The following DGKB variants were observed in gnomAD, a reference collection of about 807,000 sequenced individuals.
DGKB encodes the protein 90 kDa diacylglycerol kinase.
A neutral mutation model predicts 114.3 loss-of-function variants in DGKB; 67 were observed. The observed-to-expected ratio is 0.59, with a 90% CI of 0.48 to 0.72. The LOEUF (loss-of-function observed/expected upper bound fraction) is 0.72, where lower values mean the gene tolerates loss of function less well. Ranked by LOEUF, DGKB falls within the 30% of genes least tolerant of loss-of-function variation. The pLI is 0.00. For synonymous variants in DGKB, 398 were observed against 323.1 expected (o/e 1.23, Z -2.49); for missense variants, 907 against 975.2 (o/e 0.93, Z 0.93).
At chr7:14,689,214 T>TTTTTTTTTA (rs1408903887) in intron 9 of DGKB, among the ~76,000 whole-genome samples, 40 of 137,292 alleles carry the variant, frequency 2.9e-4, no homozygotes, top group East Asian at 4.6e-4. Context: ...TTTTTTTTTT[T>TTTTTTTTTA]TTTTTTTTTT....
intron 15 of DGKB, among the ~76,000 whole-genome samples, chr7:14,617,579 T>A (rs143919489): frequency 5.4e-4 from 82 of 151,742 alleles, no homozygotes; most frequent in Admixed American, 4.0e-4. Flanking sequence ...TACCATTCAA[T>A]CATGTCACTC....
At chr7:14,793,309 G>A (rs1170763680) in intron 2 of DGKB, among the ~76,000 whole-genome samples, 4 of 152,142 alleles carry the variant, frequency 2.6e-5, no homozygotes, top group Non-Finnish European at 4.4e-5. Flanking sequence ...TTGCTCCCCC[G>A]CCAATCCTGC....
chr7:14,915,425 A>G (rs1784197016), intron 1 of DGKB, among the ~76,000 whole-genome samples: 1 of 152,170 alleles, frequency 6.6e-6, no homozygotes, highest in Non-Finnish European at 1.5e-5. Flanking sequence ...TGTTGATGTT[A>G]TAACAGCTGT....
At chr7:14,924,228 T>A (rs1438525805) in intron 1 of DGKB, among the ~76,000 whole-genome samples, 1 of 152,108 alleles carries the variant, frequency 6.6e-6, no homozygotes, top group East Asian at 1.9e-4. Context: ...TAAACAGGTA[T>A]TTTCTCTGGG....
intron 21 of DGKB, among the ~76,000 whole-genome samples, chr7:14,422,377 A>T (rs1479712956): frequency 1.3e-5 from 2 of 151,934 alleles, no homozygotes; most frequent in African/African-American, 2.4e-5. Context: ...ACAGTCAAAA[A>T]CTCTGCGAAT....
At chr7:14,379,792 T>G (rs187426556) in intron 21 of DGKB, among the ~76,000 whole-genome samples, 1 of 152,202 alleles carries the variant, frequency 6.6e-6, no homozygotes, top group African/African-American at 2.4e-5. Flanking sequence ...TCTCCTGACC[T>G]CGTGATCTGC....
intron 23 of DGKB, among the ~76,000 whole-genome samples, chr7:14,238,054 C>T (rs1793071176): frequency 6.6e-6 from 1 of 151,952 alleles, no homozygotes; most frequent in Non-Finnish European, 1.5e-5. Context: ...ACAAATATCT[C>T]TCGGGTTGGT....
intron 17 of DGKB, among the ~76,000 whole-genome samples, chr7:14,599,125 C>T (rs1046433154): frequency 3.9e-5 from 6 of 152,168 alleles, no homozygotes; most frequent in African/African-American, 1.4e-4. Context: ...AAGAGGATAA[C>T]ACAGCAAAAG....
chr7:14,617,735 C>A (rs1806811848), intron 15 of DGKB, among the ~76,000 whole-genome samples: 1 of 151,662 alleles, frequency 6.6e-6, no homozygotes, highest in Non-Finnish European at 1.5e-5. Context: ...CCACCCTACT[C>A]CAACTACAGT....
Position 14,375,001 on chromosome 7 carries a change from A to G in DGKB, c.1836-29610T>C, listed in dbSNP as rs142429856. Among the ~76,000 whole-genome samples the G allele has an allele frequency of 3.4e-3, 522 of 152,266 alleles. 9 individuals are homozygous for G. The highest frequency in any genetic ancestry group is 0.024 in the Admixed American group (373 of 15,294). On this transcript the variant is annotated intron_variant, in intron 21 of 25. Transcript: ENST00000402815. ...TTCTCTACCTAAAAATTTCCTACTC[A>G]TCTTTATCCCTGAATGAGTTTCCAA...
At chr7:14,844,274 A>G (rs1205202911) in intron 1 of DGKB, among the ~76,000 whole-genome samples, 2 of 152,206 alleles carry the variant, frequency 1.3e-5, no homozygotes, top group African/African-American at 2.4e-5. Context: ...CTGCAAACCC[A>G]GAAGTTTCTT....
At chr7:14,189,264 A>C (rs1332264387) in intron 23 of DGKB, among the ~76,000 whole-genome samples, 1 of 152,220 alleles carries the variant, frequency 6.6e-6, no homozygotes, top group Non-Finnish European at 1.5e-5. Flanking sequence ...TAAGTGAACA[A>C]AAGTATAAAT....
chr7:14,338,777 T>C, intron 22 of DGKB, 67 bp from the exon 23 acceptor site: 1 of 1,048,110 alleles, frequency 9.5e-7, no homozygotes, highest in Non-Finnish European at 1.3e-6. Flanking sequence ...TTCTTGTTTT[T>C]CATTTCCTCA....
chr7:14,441,804 A>G (rs2128813410), intron 21 of DGKB, among the ~76,000 whole-genome samples: 1 of 152,038 alleles, frequency 6.6e-6, no homozygotes, highest in East Asian at 1.9e-4. Flanking sequence ...TTTTGCTTTT[A>G]ATGACACATT....
At chr7:14,765,105 C>T (rs1421513432) in intron 2 of DGKB, among the ~76,000 whole-genome samples, 1 of 151,894 alleles carries the variant, frequency 6.6e-6, no homozygotes, top group Non-Finnish European at 1.5e-5. Context: ...AGTTTATATG[C>T]TATTTGAAAT....
Position 14,681,760 on chromosome 7 carries a change from C to T in DGKB, c.1035+793G>A, listed in dbSNP as rs184516228. Among the ~76,000 whole-genome samples, 282 of 152,152 alleles carry T rather than the reference C, an allele frequency of 1.9e-3. 1 individual carries two copies. The highest frequency in any genetic ancestry group is 6.8e-3 in the Middle Eastern group (2 of 294). ...TAACTGTAGAAGTACCATCTAACAA[C>T]TGCATTCATTCCAAAAATTTTTTCA... On this transcript the variant is annotated intron_variant, in intron 12 of 25. Coordinates refer to ENST00000402815, the MANE Select transcript of DGKB (RefSeq NM_001350709.2).
intron 23 of DGKB, among the ~76,000 whole-genome samples, chr7:14,297,733 G>C (rs897134191): frequency 3.9e-5 from 6 of 152,140 alleles, no homozygotes; most frequent in Admixed American, 1.3e-4. Flanking sequence ...AGAAATAAAG[G>C]GTATTCAGAT....
chr7:14,754,496 C>A (rs535682852), intron 3 of DGKB, among the ~76,000 whole-genome samples: 1 of 152,110 alleles, frequency 6.6e-6, no homozygotes, highest in South Asian at 2.1e-4. Context: ...AAATATATTT[C>A]TATACACATC....
At chr7:14,505,094 C>A (rs993642346) in intron 20 of DGKB, among the ~76,000 whole-genome samples, 1 of 152,158 alleles carries the variant, frequency 6.6e-6, no homozygotes, top group Non-Finnish European at 1.5e-5. Context: ...ATATAATGTT[C>A]CATTCCTTGT....
Sources: allele counts gnomAD v4.1 joint callset (sites outside exome capture counted in the v4.1 genomes callset), GRCh38; gene constraint gnomAD v4.1.1; transcripts MANE v1.5; gene names NCBI Gene and HGNC (gene_info 2026-07-23, HGNC 2026-07-21).